ASB10: variants seen among roughly 807,000 people sequenced by gnomAD.
ASB10 encodes ankyrin repeat and SOCS box protein 10.
A neutral mutation model predicts 35.4 loss-of-function variants in ASB10; 44 were observed. The ratio of observed to expected loss-of-function variants is 1.24; its 90% confidence interval spans 0.98 to 1.60. The LOEUF (loss-of-function observed/expected upper bound fraction) is 1.60, where lower values mean the gene tolerates loss of function less well. ASB10 is among the 40% of genes most tolerant of loss of function. The pLI is 0.00. For synonymous variants in ASB10, 294 were observed against 280.4 expected (o/e 1.05, Z -0.49); for missense variants, 647 against 634.3 (o/e 1.02, Z -0.22).
chr7:151,182,569 C>T (rs1429624519), intron 2 of ASB10, among the ~76,000 whole-genome samples: 2 of 152,090 alleles, frequency 1.3e-5, no homozygotes, highest in Non-Finnish European at 2.9e-5. Flanking sequence ...CAGAGTGAGA[C>T]TCCTTCTCAA....
At position 151,176,307 on chromosome 7, in the gene ASB10, G is replaced by A. The variant is rs1171002189; in HGVS notation, c.1219-10C>T. On this transcript the variant is annotated splice_polypyrimidine_tract_variant and intron_variant, in intron 4 of 5. Transcript: ENST00000420175. Reference sequence around the variant, plus strand: ...AGAAACGCTGATGTTTCTGGGGGCAGAACAAGGGGCTCAGTGAGAGGCAGC... The same window carrying A: ...AGAAACGCTGATGTTTCTGGGGGCAAAACAAGGGGCTCAGTGAGAGGCAGC... 6 of 1,534,600 alleles carry A rather than the reference G, an allele frequency of 3.9e-6. No homozygotes were observed. Among genetic ancestry groups the A allele is most frequent in the South Asian group, 1.3e-5 (1 of 78,052 alleles).
rs1457323104 is a variant in ASB10 at position 151,187,177 on chromosome 7, G to A, written c.-47C>T. The A allele has an allele frequency of 6.5e-7, 1 of 1,533,884 alleles. No homozygotes were observed. Among genetic ancestry groups the A allele is most frequent in the Middle Eastern group, 1.7e-4 (1 of 5,976 alleles). On this transcript the variant is annotated 5_prime_UTR_variant, in exon 1 of 6. Coordinates refer to ENST00000420175, the MANE Select transcript of ASB10 (RefSeq NM_001142459.2). This position sits in a 1 kb window ranked among gnomAD's most constrained non-coding sequence, Gnocchi z 5.3. ...GGGAGGAGGAGAGGTATATGCCAAAGGCAGAGAGAGAGAGAGAGAGCAGGA... is the reference window on the plus strand; with the variant it reads ...GGGAGGAGGAGAGGTATATGCCAAAAGCAGAGAGAGAGAGAGAGAGCAGGA...
At position 151,181,251 on chromosome 7, in the gene ASB10, G is replaced by A. The variant is rs138546100; in HGVS notation, c.792C>T (p.Thr264=). ...AACDVRCQSI[T]DAEATTARCL... ...AGCGGGCGGTGGTGGCCTCGGCATC[G>A]GTGATGGACTGGCAGCGGACGTCAC... The change falls in exon 3 of 6, where the codon ACC becomes ACT. Residue 264 remains threonine (T), a synonymous_variant. Coordinates refer to ENST00000420175, the MANE Select transcript of ASB10 (RefSeq NM_001142459.2). 1.4e-4 allele frequency: 220 copies of A among 1,613,052 alleles called. No homozygotes were observed. Among genetic ancestry groups the A allele is most frequent in the Non-Finnish European group, 1.7e-4 (203 of 1,179,990 alleles).
intron 2 of ASB10, among the ~76,000 whole-genome samples, chr7:151,184,295 T>C (rs930115462): frequency 2.0e-5 from 3 of 151,524 alleles, no homozygotes; most frequent in African/African-American, 7.3e-5. Context: ...CGCCTGTAGT[T>C]CCAGCTACTC....
At chr7:151,182,532 C>T (rs1801514705) in intron 2 of ASB10, among the ~76,000 whole-genome samples, 1 of 152,128 alleles carries the variant, frequency 6.6e-6, no homozygotes, top group Non-Finnish European at 1.5e-5. Context: ...GAGCCGAGAT[C>T]ATGCCACTAC....
At position 151,176,153 on chromosome 7, in the gene ASB10, G is replaced by T. The variant is rs745691638; in HGVS notation, c.1363C>A (p.Leu455Ile). The change falls in exon 5 of 6, where the codon CTC becomes ATC. Residue 455 changes from leucine to isoleucine, a missense_variant. By Grantham distance (5) the Leu-to-Ile change is conservative. Transcript: ENST00000420175. Reference protein sequence around the residue: ...LPRLPLPPRLLRYLQLDFEGV... With the variant: ...LPRLPLPPRLIRYLQLDFEGV... ...TCAAAATCCAGCTGCAGGTAGCGGA[G>T]CAGGCGCGGTGGCAGGGGGAGGCGG... The T allele has an allele frequency of 4.3e-6, 7 of 1,611,790 alleles. No homozygotes were observed. In the African/African-American group the frequency reaches 9.3e-5, roughly 22 times the overall value.
At chr7:151,177,878 A>C (rs1406839179) in intron 3 of ASB10, among the ~76,000 whole-genome samples, 1 of 152,240 alleles carries the variant, frequency 6.6e-6, no homozygotes, top group Non-Finnish European at 1.5e-5. Flanking sequence ...AGTCCTCGTC[A>C]TCCAAGAGCT....
Position 151,176,275 on chromosome 7 carries a change from G to C in ASB10, c.1241C>G (p.Ser414Cys). 2 of 1,562,058 alleles carry C rather than the reference G, an allele frequency of 1.3e-6. No homozygotes were observed. Among genetic ancestry groups the C allele is most frequent in the East Asian group, 2.3e-5 (1 of 44,342 alleles). ...GGGCTGCCTCACCAAGGCGAAGAGGGAGGAGTAGAAACGCTGATGTTTCTG... is the reference window on the plus strand; with the variant it reads ...GGGCTGCCTCACCAAGGCGAAGAGGCAGGAGTAGAAACGCTGATGTTTCTG... Reference protein sequence around the residue: ...TLQKHQRFYSSLFALVRQPRS... With the variant: ...TLQKHQRFYSCLFALVRQPRS... Residue 414 changes from serine to cysteine, a missense_variant, in exon 5 of 6, where the codon TCC becomes TGC. By Grantham distance (112) the Ser-to-Cys change is moderately radical. Transcript: ENST00000420175.
chr7:151,175,922 G>A lies in ASB10; in HGVS notation c.*45C>T, dbSNP rs1208541607. On this transcript the variant is annotated 3_prime_UTR_variant, in exon 6 of 6. Coordinates refer to ENST00000420175, the MANE Select transcript of ASB10 (RefSeq NM_001142459.2). The stretch of plus-strand genomic sequence containing the variant: ...TTAGTGCAGAGGCGCGCCCTCTGCA[G>A]GCTGGGGCATCTGCTTTCAGGCCCT... 2 of 732,272 alleles carry A rather than the reference G, an allele frequency of 2.7e-6. No individual in the cohort carries two copies. The highest frequency in any genetic ancestry group is 4.2e-6 in the Non-Finnish European group (2 of 472,518). The allele number at this position is 732,272 out of a possible 1,614,324, so 45.4% of individuals were successfully genotyped here.
At position 151,186,880 on chromosome 7, in the gene ASB10, T is replaced by C; in HGVS notation, c.251A>G (p.Asp84Gly). ...LADSSTGLAP[D>G]SVFDTSDPER... is the part of the protein sequence containing the mutation. ...TGGGTCGCTGGTATCAAAGACGGAA[T>C]CAGGAGCCAGGCCAGTACTGGAGTC... Residue 84 changes from aspartate to glycine, a missense_variant, in exon 1 of 6, where the codon GAT becomes GGT. Coordinates refer to ENST00000420175, the MANE Select transcript of ASB10 (RefSeq NM_001142459.2). 1 of 1,613,490 alleles carries C rather than the reference T, an allele frequency of 6.2e-7. No individual in the cohort carries two copies. Among genetic ancestry groups the C allele is most frequent in the Non-Finnish European group, 8.5e-7 (1 of 1,179,744 alleles).
chr7:151,181,562 C>G lies in ASB10; in HGVS notation c.585-104G>C, dbSNP rs141080535. 28 of 1,434,652 alleles carry G rather than the reference C, an allele frequency of 2.0e-5. No individual in the cohort carries two copies. In the East Asian group the frequency reaches 7.0e-4, roughly 36 times the overall value. The allele number at this position is 1,434,652 out of a possible 1,614,324, so 88.9% of individuals were successfully genotyped here. A position where few individuals can be genotyped will look rare whatever the true frequency, so the allele number is the denominator to read the frequency against. On this transcript the variant is annotated intron_variant, in intron 2 of 5. Transcript: ENST00000420175. ...TGTCTCCCCCCACCCACCCTCCATC[C>G]TGCCCATCACTGGTCATCCTGGCAC...
At chr7:151,184,154 CTGTAAT>C (rs1801543480) in intron 2 of ASB10, among the ~76,000 whole-genome samples, 2 of 151,946 alleles carry the variant, frequency 1.3e-5, no homozygotes, top group African/African-American at 2.4e-5. Context: ...TGGCTCACAC[CTGTAAT>C]CCCAGCACTT....
chr7:151,181,222 A>C lies in ASB10; in HGVS notation c.821T>G (p.Leu274Arg). 2 of 1,612,958 alleles carry C rather than the reference A, an allele frequency of 1.2e-6. No homozygotes were observed. Residue 274 changes from leucine to arginine, a missense_variant, in exon 3 of 6, where the codon CTG becomes CGG. Transcript: ENST00000420175. ...TDAEATTARC[L>R]QLCSLLLSAG... Reference sequence around the variant, plus strand: ...TGAAAGCAGCAAGCTGCACAGCTGCAGGCAGCGGGCGGTGGTGGCCTCGGC... The same window carrying C: ...TGAAAGCAGCAAGCTGCACAGCTGCCGGCAGCGGGCGGTGGTGGCCTCGGC...
At chr7:151,181,868 C>A (rs1801502873) in intron 2 of ASB10, among the ~76,000 whole-genome samples, 1 of 152,130 alleles carries the variant, frequency 6.6e-6, no homozygotes, top group South Asian at 2.1e-4. Flanking sequence ...CCTGCCTCGG[C>A]CTCCCAAAGT....
chr7:151,178,190 A>G (rs1378602751), intron 3 of ASB10, among the ~76,000 whole-genome samples: 1 of 152,248 alleles, frequency 6.6e-6, no homozygotes, highest in African/African-American at 2.4e-5. Flanking sequence ...CAGAGGTTGC[A>G]GTGAGCCGGG....
In ASB10 at chr7:151,186,489, A is replaced by T. The variant is rs104886470; in HGVS notation, c.487T>A (p.Cys163Ser). ...HEACAAGHTA[C>S]VHVLLVAGAD... ...CCTGCCACCAGCAGCACATGAACAC[A>T]GGCAGTGTGGCCTGCAGCACAGGCC... The change falls in exon 2 of 6, where the codon TGT becomes AGT. Residue 163 changes from cysteine to serine, a missense_variant. Cys to Ser is a moderately radical substitution (Grantham distance 112). Coordinates refer to ENST00000420175, the MANE Select transcript of ASB10 (RefSeq NM_001142459.2). The T allele has an allele frequency of 1.4e-5, 23 of 1,600,692 alleles. No individual in the cohort carries two copies. The highest frequency in any genetic ancestry group is 3.4e-5 in the Admixed American group (2 of 57,990).
In ASB10 at chr7:151,176,102, C is replaced by G. The variant is rs778473104; in HGVS notation, c.*10G>C. On this transcript the variant is annotated intron_variant, in intron 5 of 5. Coordinates refer to ENST00000420175, the MANE Select transcript of ASB10 (RefSeq NM_001142459.2). ...AGCAGCTGTGACTGCTCACAGATCC[C>G]GGGGCTCACCTAGTAGAGCACGCCC... The G allele has an allele frequency of 2.5e-6, 4 of 1,609,802 alleles. No homozygotes were observed. In the African/African-American group the frequency reaches 4.0e-5, roughly 16 times the overall value.
At chr7:151,185,434 T>A (rs912809647) in intron 2 of ASB10, among the ~76,000 whole-genome samples, 3 of 152,228 alleles carry the variant, frequency 2.0e-5, no homozygotes, top group South Asian at 4.2e-4. Context: ...TCATTTTTTT[T>A]ATAGGGCTGC....
intron 2 of ASB10, among the ~76,000 whole-genome samples, chr7:151,184,798 A>G (rs36089754): frequency 0.2 from 30,350 of 151,916 alleles, 3,439 homozygotes; most frequent in Non-Finnish European, 0.27. Flanking sequence ...CGAGGCGGGC[A>G]GAACACGAGG....
Sources: allele counts gnomAD v4.1 joint callset (sites outside exome capture counted in the v4.1 genomes callset), GRCh38; gene constraint gnomAD v4.1.1; non-coding constraint Gnocchi (gnomAD v3.1); transcripts MANE v1.5; gene names NCBI Gene and HGNC (gene_info 2026-07-23, HGNC 2026-07-21).